TFEC: variants seen among roughly 807,000 people sequenced by gnomAD.
TFEC encodes the protein transcription factor EC, also known as class E basic helix-loop-helix protein 34.
TFEC carries 31 observed loss-of-function variants against 41.6 expected under a neutral mutation model. The observed-to-expected ratio is 0.74, with a 90% CI of 0.56 to 1.01. The LOEUF (loss-of-function observed/expected upper bound fraction) is 1.01. Ranked by LOEUF, TFEC falls within the 50% of genes least tolerant of loss-of-function variation. The pLI is 0.00. For synonymous variants in TFEC, 143 were observed against 140.6 expected (o/e 1.02, Z -0.12); for missense variants, 402 against 404.1 (o/e 0.99, Z 0.04).
intron 3 of TFEC, among the ~76,000 whole-genome samples, chr7:116,071,384 A>G (rs1796824303): frequency 6.6e-6 from 1 of 150,992 alleles, no homozygotes; most frequent in African/African-American, 2.4e-5. Context: ...TCAAGGTATT[A>G]GGTTTTTAAA....
At chr7:116,013,684 T>C (rs1037059926) in intron 1 of TFEC, among the ~76,000 whole-genome samples, 6 of 152,134 alleles carry the variant, frequency 3.9e-5, no homozygotes, top group Non-Finnish European at 8.8e-5. Context: ...AAGTTACTTA[T>C]TATCAGTTAA....
chr7:116,148,121 A>G (rs1157429659), intron 1 of TFEC, among the ~76,000 whole-genome samples: 1 of 152,176 alleles, frequency 6.6e-6, no homozygotes, highest in Non-Finnish European at 1.5e-5. Flanking sequence ...TCTTGCAAGG[A>G]AGAGTGTTCC....
chr7:115,995,730 C>T (rs1794338424), intron 1 of TFEC, among the ~76,000 whole-genome samples: 1 of 152,164 alleles, frequency 6.6e-6, no homozygotes, highest in South Asian at 2.1e-4. Context: ...ATCTTCCCTC[C>T]CCCAACCCTG....
At chr7:116,157,874 C>T (rs998305422) in intron 1 of TFEC, among the ~76,000 whole-genome samples, 1 of 152,154 alleles carries the variant, frequency 6.6e-6, no homozygotes, top group African/African-American at 2.4e-5. Flanking sequence ...TCCCACTAAA[C>T]ACCAGTCCCC....
intron 1 of TFEC, among the ~76,000 whole-genome samples, chr7:116,015,629 A>G (rs1795161084): frequency 6.6e-6 from 1 of 152,146 alleles, no homozygotes; most frequent in African/African-American, 2.4e-5. Flanking sequence ...AGAAAAAAGA[A>G]GACTCGTGAG....
At chr7:115,945,260 C>A (rs1169888339) in intron 6 of TFEC, among the ~76,000 whole-genome samples, 1 of 151,222 alleles carries the variant, frequency 6.6e-6, no homozygotes, top group Non-Finnish European at 1.5e-5. Context: ...CTACCCTTCC[C>A]TTTTTCCAGC....
At chr7:116,103,672 G>T (rs1361499981) in intron 3 of TFEC, among the ~76,000 whole-genome samples, 2 of 152,094 alleles carry the variant, frequency 1.3e-5, no homozygotes, top group Non-Finnish European at 2.9e-5. Flanking sequence ...TAGAGACACG[G>T]TTATTCATTC....
intron 1 of TFEC, among the ~76,000 whole-genome samples, chr7:116,008,438 C>A (rs574977915): frequency 6.6e-6 from 1 of 152,166 alleles, no homozygotes; most frequent in South Asian, 2.1e-4. Context: ...ATATGACAGC[C>A]CTTATTTAAT....
At chr7:116,046,199 G>C (rs1048943167) in intron 3 of TFEC, among the ~76,000 whole-genome samples, 1 of 152,098 alleles carries the variant, frequency 6.6e-6, no homozygotes, top group Non-Finnish European at 1.5e-5. Context: ...GGCATAATTG[G>C]TTTTGAAATG....
chr7:115,964,113 C>T (rs1331513649), intron 3 of TFEC, among the ~76,000 whole-genome samples: 1 of 151,424 alleles, frequency 6.6e-6, no homozygotes, highest in Non-Finnish European at 1.5e-5. Flanking sequence ...TCACGGTTGA[C>T]AAAAATTTGC....
intron 6 of TFEC, among the ~76,000 whole-genome samples, chr7:115,943,156 C>T (rs1365263154): frequency 2.0e-5 from 3 of 151,400 alleles, no homozygotes. Flanking sequence ...CAATGGACAT[C>T]GCAAGTTTGA....
rs150677548 is a variant in TFEC, at chr7:116,001,795, T to C, written c.-72-17282A>G. 3.9e-5 allele frequency among the ~76,000 whole-genome samples: 6 copies of C among 152,148 alleles called. No individual in the cohort carries two copies. In the East Asian group the frequency reaches 1.2e-3, roughly 29 times the overall value. ...GAATATATAAGGAGCTCAAACACTC[T>C]ATAGAAAAAAATCTAATAATCCAAT... On this transcript the variant is annotated intron_variant, in intron 1 of 7. Coordinates refer to ENST00000265440, the MANE Select transcript of TFEC (RefSeq NM_012252.4).
chr7:116,098,526 C>T lies in TFEC; in HGVS notation c.198+12182G>A, dbSNP rs181354125. ...GAATCCACCAAGAACACCTAGTCAT[C>T]CTACTGTACATGCACCAAACAACAG... is the stretch of plus-strand genomic sequence containing the variant. On this transcript the variant is annotated intron_variant, in intron 3 of 8. Coordinates refer to the TFEC transcript ENST00000484212. Among the ~76,000 whole-genome samples the T allele has an allele frequency of 5.3e-4, 81 of 152,162 alleles. 1 individual carries two copies. In the East Asian group the frequency reaches 0.015, roughly 28 times the overall value.
intron 1 of TFEC, among the ~76,000 whole-genome samples, chr7:116,113,057 T>A (rs1024475692): frequency 6.6e-6 from 1 of 151,716 alleles, no homozygotes; most frequent in Admixed American, 6.6e-5. Flanking sequence ...CTCAAGAGAG[T>A]ATTGCATGAA....
At chr7:116,051,072 T>G (rs1796298793) in intron 3 of TFEC, among the ~76,000 whole-genome samples, 1 of 152,080 alleles carries the variant, frequency 6.6e-6, no homozygotes, top group African/African-American at 2.4e-5. Flanking sequence ...CCGCATGTCC[T>G]CGCTCATAGG....
At position 116,040,272 on chromosome 7, in the gene TFEC, T is replaced by C. The variant is rs879852833; in HGVS notation, c.199-55759A>G. On this transcript the variant is annotated intron_variant, in intron 3 of 8. Coordinates refer to the TFEC transcript ENST00000484212. Reference sequence around the variant, plus strand: ...GGAAGGAATATTCTTTTTGTTTTAATTGATAGTATTTTAGGAAGTAGCTAA... The same window carrying C: ...GGAAGGAATATTCTTTTTGTTTTAACTGATAGTATTTTAGGAAGTAGCTAA... 3.0e-4 allele frequency among the ~76,000 whole-genome samples: 45 copies of C among 152,174 alleles called. 1 individual carries two copies. The highest frequency in any genetic ancestry group is 2.9e-3 in the Admixed American group (45 of 15,268).
chr7:116,032,349 T>C (rs62475165), upstream of TFEC, among the ~76,000 whole-genome samples: 35,374 of 152,014 alleles, frequency 0.23, 4,309 homozygotes, highest in East Asian at 0.39. Flanking sequence ...CCCAAAGGAA[T>C]ATAAATCAAT....
chr7:116,006,725 T>C (rs1376610466), intron 1 of TFEC, among the ~76,000 whole-genome samples: 2 of 151,840 alleles, frequency 1.3e-5, no homozygotes, highest in East Asian at 1.9e-4. Context: ...AGACATGAGA[T>C]TTGGGAGGGA....
intron 1 of TFEC, among the ~76,000 whole-genome samples, chr7:116,015,357 G>T (rs1356663611): frequency 1.3e-5 from 2 of 151,996 alleles, no homozygotes; most frequent in Non-Finnish European, 2.9e-5. Flanking sequence ...AAGGAAAAAA[G>T]TTCTCTCTTT....
Sources: allele counts gnomAD v4.1 joint callset (sites outside exome capture counted in the v4.1 genomes callset), GRCh38; gene constraint gnomAD v4.1.1; transcripts MANE v1.5; gene names NCBI Gene and HGNC (gene_info 2026-07-23, HGNC 2026-07-21).